Variants in TRPC1 observed in about 807,000 individuals in gnomAD.
TRPC1 encodes the protein short transient receptor potential channel 1.
Under a neutral mutation model 88.2 loss-of-function variants are expected in TRPC1, and 42 were observed. The ratio of observed to expected loss-of-function variants is 0.48; its 90% CI spans 0.37 to 0.62. The LOEUF is 0.62. Among genes scored for constraint, TRPC1 ranks in the 20% least tolerant of loss-of-function variants. The probability of loss-of-function intolerance (pLI) is 0.00; values close to 1 mark genes in which losing one functional copy is unlikely to be tolerated. For missense variants in TRPC1, 699 were observed against 957.3 expected, an observed-to-expected ratio of 0.73 and a Z score of 3.56; for synonymous variants, 288 against 331.8, an observed-to-expected ratio of 0.87 and a Z score of 1.43.
intron 4 of TRPC1, among the ~76,000 whole-genome samples, chr3:142,760,356 T>C (rs1398357882): frequency 6.6e-6 from 1 of 152,196 alleles, no homozygotes; most frequent in African/African-American, 2.4e-5. Flanking sequence ...CCCCAAAATA[T>C]GTTCTCGGCA....
intron 7 of TRPC1, among the ~76,000 whole-genome samples, chr3:142,790,715 T>C (rs963917332): frequency 5.9e-5 from 9 of 152,202 alleles, no homozygotes; most frequent in East Asian, 1.9e-4. Context: ...TATGCATCCA[T>C]GTGCATGCAT....
chr3:142,788,391 A>T (rs969308282), intron 7 of TRPC1, among the ~76,000 whole-genome samples: 1 of 152,144 alleles, frequency 6.6e-6, no homozygotes. Flanking sequence ...AATACATAGT[A>T]TATGAGAGGT....
chr3:142,777,801 T>G (rs1377721555), intron 5 of TRPC1, 38 bp downstream of exon 5: 1 of 1,576,592 alleles, frequency 6.3e-7, no homozygotes, highest in African/African-American at 1.4e-5. Flanking sequence ...TATTTTGTTT[T>G]AAATCTTCAA....
Position 142,724,791 on chromosome 3 carries a change from C to T in TRPC1, c.172+60C>T, listed in dbSNP as rs1388022984. On this transcript the variant is annotated intron_variant, in intron 1 of 12. Transcript: ENST00000476941. This position sits in a 1 kb window ranked among gnomAD's most constrained non-coding sequence, Gnocchi z 5.6. ...CTGTCCTCCAGACCTTTAGTCCTCTCCCCCGCCTCAACTTATATCGGGGCA... is the reference window on the plus strand; with the variant it reads ...CTGTCCTCCAGACCTTTAGTCCTCTTCCCCGCCTCAACTTATATCGGGGCA... 3 of 1,442,116 alleles carry T rather than the reference C, an allele frequency of 2.1e-6. No homozygotes were observed. Among genetic ancestry groups the T allele is most frequent in the African/African-American group, 3.0e-5 (2 of 67,656 alleles). 89.3% of individuals were successfully genotyped at this position (1,442,116 alleles called of 1,614,324 possible). A position where few individuals can be genotyped will look rare whatever the true frequency, so the allele number is the denominator to read the frequency against.
chr3:142,744,967 ACT>A (rs1309051343), intron 3 of TRPC1, among the ~76,000 whole-genome samples: 2 of 152,102 alleles, frequency 1.3e-5, no homozygotes, highest in Non-Finnish European at 2.9e-5. Flanking sequence ...TTGGTTGTTG[ACT>A]CTCTGCCATG....
At chr3:142,753,655 C>T (rs60425924) in intron 4 of TRPC1, among the ~76,000 whole-genome samples, 1 of 148,836 alleles carries the variant, frequency 6.7e-6, no homozygotes, top group East Asian at 2.0e-4. Flanking sequence ...GTCCCAGCTA[C>T]TCAGGAGGCT....
intron 4 of TRPC1, among the ~76,000 whole-genome samples, chr3:142,777,232 C>T (rs1156493939): frequency 1.3e-5 from 2 of 151,932 alleles, no homozygotes. Flanking sequence ...CCCAGGTGTT[C>T]GAGACTAAGG....
intron 3 of TRPC1, among the ~76,000 whole-genome samples, chr3:142,744,605 G>A (rs1431014217): frequency 2.0e-5 from 3 of 152,072 alleles, no homozygotes; most frequent in South Asian, 2.1e-4. Flanking sequence ...AAAATATAAC[G>A]TAGTAAGTGG....
At chr3:142,805,125 T>TAC (rs1327088210) in intron 12 of TRPC1, among the ~76,000 whole-genome samples, 121 of 123,764 alleles carry the variant, frequency 9.8e-4, no homozygotes, top group African/African-American at 3.7e-3. Flanking sequence ...AACAAATATA[T>TAC]ATATACACAC....
At chr3:142,758,092 T>A (rs1382711250) in intron 4 of TRPC1, among the ~76,000 whole-genome samples, 1 of 152,168 alleles carries the variant, frequency 6.6e-6, no homozygotes, top group Non-Finnish European at 1.5e-5. Context: ...TCATTAACCA[T>A]CCCCACCTTC....
rs1407883040 is a variant in TRPC1, at chr3:142,776,729, C to T, written c.633-903C>T. 1.3e-5 allele frequency among the ~76,000 whole-genome samples: 2 copies of T among 151,512 alleles called. No homozygotes were observed. Among genetic ancestry groups the T allele is most frequent in the Non-Finnish European group, 2.9e-5 (2 of 67,906 alleles). ...ACGATCCTGGCCAACATGGTGAAACCCCGTCTCTACTAAAAATACAAAAAT... is the reference window on the plus strand; with the variant it reads ...ACGATCCTGGCCAACATGGTGAAACTCCGTCTCTACTAAAAATACAAAAAT... On this transcript the variant is annotated intron_variant, in intron 4 of 12. Coordinates refer to ENST00000476941, the MANE Select transcript of TRPC1 (RefSeq NM_001251845.2). The surrounding 1 kb of genome is among the most constrained non-coding windows in gnomAD (Gnocchi z 4.1).
chr3:142,734,759 G>A (rs143759504), intron 1 of TRPC1, among the ~76,000 whole-genome samples: 5 of 151,746 alleles, frequency 3.3e-5, no homozygotes, highest in South Asian at 2.1e-4. Context: ...GCAACATAGC[G>A]AGACCTCATC....
chr3:142,798,432 C>CAA (rs1260047807), intron 9 of TRPC1, among the ~76,000 whole-genome samples: 2 of 152,074 alleles, frequency 1.3e-5, no homozygotes. Flanking sequence ...CAATAACAAA[C>CAA]AAAGTTACTT....
At chr3:142,757,815 T>TA (rs958658334) in intron 4 of TRPC1, among the ~76,000 whole-genome samples, 2 of 151,718 alleles carry the variant, frequency 1.3e-5, no homozygotes, top group South Asian at 4.2e-4. Flanking sequence ...GTATAATAAT[T>TA]AAAAAAAAAT....
intron 4 of TRPC1, among the ~76,000 whole-genome samples, chr3:142,772,324 T>C (rs80317443): frequency 0.027 from 4,075 of 152,286 alleles, 81 homozygotes; most frequent in East Asian, 0.065. Flanking sequence ...TCCGCATCTC[T>C]CTTAGGCTCT....
chr3:142,769,704 A>C (rs1935510965), intron 4 of TRPC1, among the ~76,000 whole-genome samples: 1 of 151,858 alleles, frequency 6.6e-6, no homozygotes, highest in Non-Finnish European at 1.5e-5. Flanking sequence ...CTTGTTATTG[A>C]TTTCTAATTT....
Position 142,736,503 on chromosome 3 carries a change from A to C in TRPC1, c.297A>C (p.Ile99=). The change falls in exon 2 of 13, where the codon ATA becomes ATC. Residue 99 remains isoleucine, a synonymous_variant. Coordinates refer to ENST00000476941, the MANE Select transcript of TRPC1 (RefSeq NM_001251845.2). ...TITIENENLD[I]LQLLLDYGCQ... Reference sequence around the variant, plus strand: ...CTATTGAAAACGAAAACTTGGATATACTGCAGCTTCTTTTGGACTACGGTT... The same window carrying C: ...CTATTGAAAACGAAAACTTGGATATCCTGCAGCTTCTTTTGGACTACGGTT... 6.2e-7 allele frequency: 1 copy of C among 1,610,604 alleles called. No homozygotes were observed. Among genetic ancestry groups the C allele is most frequent in the South Asian group, 1.1e-5 (1 of 90,494 alleles).
intron 3 of TRPC1, among the ~76,000 whole-genome samples, chr3:142,744,140 CAT>C (rs1210620757): frequency 2.6e-5 from 4 of 151,918 alleles, no homozygotes; most frequent in African/African-American, 7.2e-5. Context: ...TGGTGAAAAA[CAT>C]ATTAGAAAAG....
intron 5 of TRPC1, among the ~76,000 whole-genome samples, chr3:142,778,407 G>A (rs1187621597): frequency 3.3e-5 from 5 of 151,616 alleles, no homozygotes; most frequent in South Asian, 2.1e-4. Context: ...TTTCCTTTAG[G>A]GGGGTAAGTT....
Sources: allele counts gnomAD v4.1 joint callset (sites outside exome capture counted in the v4.1 genomes callset), GRCh38; gene constraint gnomAD v4.1.1; non-coding constraint Gnocchi (gnomAD v3.1); transcripts MANE v1.5; gene names NCBI Gene and HGNC (gene_info 2026-07-23, HGNC 2026-07-21).